Variants in M1AP observed in about 807,000 individuals in gnomAD.
M1AP encodes the protein meiosis 1 associated protein.
Under a neutral mutation model 51.2 loss-of-function variants are expected in M1AP, and 39 were observed. The ratio of observed to expected loss-of-function variants is 0.76; its 90% CI spans 0.59 to 1.00. M1AP has a LOEUF of 1.00. Ranked by LOEUF, M1AP falls within the 50% of genes least tolerant of loss-of-function variation. The pLI is 0.00. For missense variants in M1AP, 545 were observed against 641.2 expected (o/e 0.85, Z 1.62); for synonymous variants, 251 against 249.2 (o/e 1.01, Z -0.07).
intron 1 of M1AP, chr2:74,648,015 C>T (rs1401493958): frequency 1.0e-6 from 1 of 985,462 alleles, no homozygotes; most frequent in Non-Finnish European, 1.2e-6. Context: ...GCCTGGGGGC[C>T]CCGCGGAGGA....
At chr2:74,607,621 G>A (rs1271191330) in intron 3 of M1AP, among the ~76,000 whole-genome samples, 5 of 152,076 alleles carry the variant, frequency 3.3e-5, no homozygotes, top group Non-Finnish European at 7.4e-5. Context: ...TTACAGGCAC[G>A]TGCCACCACA....
intron 2 of M1AP, among the ~76,000 whole-genome samples, chr2:74,626,458 T>C (rs760037405): frequency 5.9e-5 from 9 of 152,068 alleles, no homozygotes; most frequent in Non-Finnish European, 1.2e-4. Context: ...GAGGTCTCAC[T>C]ATGTTGCTCA....
At chr2:74,611,883 T>TTTTG (rs1681372366) in intron 3 of M1AP, among the ~76,000 whole-genome samples, 1 of 8,430 alleles carries the variant, frequency 1.2e-4, no homozygotes, top group Non-Finnish European at 2.4e-4. Context: ...CAAAAAAGTG[T>TTTTG]TTTTTTTTTT....
intron 4 of M1AP, among the ~76,000 whole-genome samples, chr2:74,601,063 T>C (rs906744085): frequency 6.6e-6 from 1 of 152,062 alleles, no homozygotes; most frequent in Admixed American, 6.6e-5. Flanking sequence ...AAAAACCCCA[T>C]AAAGTAGCTA....
At chr2:74,600,693 A>T (rs1680623962) in intron 4 of M1AP, among the ~76,000 whole-genome samples, 1 of 152,226 alleles carries the variant, frequency 6.6e-6, no homozygotes, top group Non-Finnish European at 1.5e-5. Flanking sequence ...CAAAATAGAG[A>T]ATGAACAGAA....
At chr2:74,571,524 G>A (rs1558651098) in intron 7 of M1AP, among the ~76,000 whole-genome samples, 1 of 152,206 alleles carries the variant, frequency 6.6e-6, no homozygotes, top group Non-Finnish European at 1.5e-5. Context: ...TGGCAAACTT[G>A]TAAAAATAGG....
At chr2:74,583,404 G>C (rs1679528408) in intron 4 of M1AP, among the ~76,000 whole-genome samples, 1 of 152,188 alleles carries the variant, frequency 6.6e-6, no homozygotes, top group African/African-American at 2.4e-5. Context: ...AAATCTGAAT[G>C]AATGGAGCTG....
chr2:74,618,991 C>T (rs1375749898), intron 2 of M1AP: 1 of 530,748 alleles, frequency 1.9e-6, no homozygotes, highest in Non-Finnish European at 3.9e-6. Flanking sequence ...GGGCCCTCAT[C>T]TCTGCCTTCA....
At chr2:74,603,032 AAG>A (rs914978868) in intron 4 of M1AP, among the ~76,000 whole-genome samples, 2 of 152,218 alleles carry the variant, frequency 1.3e-5, no homozygotes, top group African/African-American at 4.8e-5. Flanking sequence ...TCACTGGCCA[AAG>A]AGAGAAAAAG....
intron 4 of M1AP, among the ~76,000 whole-genome samples, chr2:74,590,482 C>G (rs1164519471): frequency 2.0e-5 from 3 of 152,094 alleles, no homozygotes; most frequent in Non-Finnish European, 4.4e-5. Context: ...TAGCAGACTC[C>G]CTTAGCTCTA....
At chr2:74,561,112 A>AAGGAGGAGGAGG (rs1558643623) in intron 8 of M1AP, among the ~76,000 whole-genome samples, 4 of 30,982 alleles carry the variant, frequency 1.3e-4, no homozygotes, top group Non-Finnish European at 2.5e-4. Flanking sequence ...GGAGGAGGAG[A>AAGGAGGAGGAGG]AGGAGGAGGA....
At chr2:74,576,805 G>A (rs1210839229) in intron 5 of M1AP, 187 bp from the exon 6 acceptor site, 3 of 1,282,176 alleles carry the variant, frequency 2.3e-6, no homozygotes, top group African/African-American at 1.5e-5. Context: ...TGGAAAGGGA[G>A]AACAGGTCTG....
chr2:74,615,668 A>G lies in M1AP; in HGVS notation c.241-519T>C, dbSNP rs117899118. On this transcript the variant is annotated intron_variant, in intron 2 of 10. Transcript: ENST00000421985. ...TCAGTAAAGAAGAGATATTTGGGTTAGTCTGCAGTCAGCTTAAGGAGCCAA... is the reference window on the plus strand; with the variant it reads ...TCAGTAAAGAAGAGATATTTGGGTTGGTCTGCAGTCAGCTTAAGGAGCCAA... 2.0e-4 allele frequency: 31 copies of G among 154,982 alleles called. No homozygotes were observed. The East Asian group carries it at 5.7e-3, about 29-fold the overall frequency. 9.6% of individuals were successfully genotyped at this position (154,982 alleles called of 1,614,324 possible).
chr2:74,598,525 G>A (rs1007809253), intron 4 of M1AP, among the ~76,000 whole-genome samples: 2 of 151,460 alleles, frequency 1.3e-5, no homozygotes, highest in African/African-American at 4.9e-5. Context: ...TTGAAAAGAT[G>A]CATTCACATT....
At position 74,638,910 on chromosome 2, in the gene M1AP, A is replaced by G. The variant is rs184994103; in HGVS notation, c.240+1126T>C. Among the ~76,000 whole-genome samples the G allele has an allele frequency of 1.3e-3, 202 of 152,362 alleles. 1 individual carries two copies. Among genetic ancestry groups the G allele is most frequent in the Non-Finnish European group, 2.4e-3 (165 of 68,032 alleles). On this transcript the variant is annotated intron_variant, in intron 2 of 10. Transcript: ENST00000421985. ...AATAAACAATGAATAGAGGTACCAAATTCTGCTCAAACTGTAGAAAGGATC... is the reference window on the plus strand; with the variant it reads ...AATAAACAATGAATAGAGGTACCAAGTTCTGCTCAAACTGTAGAAAGGATC...
intron 1 of M1AP, among the ~76,000 whole-genome samples, chr2:74,643,012 C>T (rs1683376924): frequency 6.6e-6 from 1 of 152,000 alleles, no homozygotes; most frequent in Non-Finnish European, 1.5e-5. Context: ...ACCACTGTGC[C>T]CAGCTATAAT....
chr2:74,588,721 T>A (rs1171779469), intron 4 of M1AP, among the ~76,000 whole-genome samples: 1 of 152,148 alleles, frequency 6.6e-6, no homozygotes, highest in East Asian at 1.9e-4. Flanking sequence ...ATGGACCTAG[T>A]GGTGACTATC....
chr2:74,569,638 G>A (rs1254309367), intron 7 of M1AP, among the ~76,000 whole-genome samples: 2 of 151,386 alleles, frequency 1.3e-5, no homozygotes, highest in African/African-American at 2.4e-5. Flanking sequence ...GCCTCCCAAA[G>A]TGCTGGGATT....
At chr2:74,611,351 A>G (rs1001761801) in intron 3 of M1AP, among the ~76,000 whole-genome samples, 4 of 152,160 alleles carry the variant, frequency 2.6e-5, no homozygotes, top group African/African-American at 9.7e-5. Flanking sequence ...ATTCAATCTC[A>G]TTACTCACTG....
Sources: allele counts gnomAD v4.1 joint callset (sites outside exome capture counted in the v4.1 genomes callset), GRCh38; gene constraint gnomAD v4.1.1; transcripts MANE v1.5; gene names NCBI Gene and HGNC (gene_info 2026-07-23, HGNC 2026-07-21).